ANKH: variants seen among roughly 807,000 people sequenced by gnomAD.
ANKH encodes the protein ANKH inorganic pyrophosphate transport regulator.
A neutral mutation model predicts 49.0 loss-of-function variants in ANKH; 15 were observed. The observed-to-expected ratio is 0.31, with a 90% CI of 0.20 to 0.47. The LOEUF (loss-of-function observed/expected upper bound fraction) is 0.47. ANKH is among the 20% of genes least tolerant of loss of function. ANKH has a pLI of 1.00. For missense variants in ANKH, 429 were observed against 652.0 expected (o/e 0.66, Z 3.72); for synonymous variants, 273 against 260.0 (o/e 1.05, Z -0.48).
intron 4 of ANKH, among the ~76,000 whole-genome samples, chr5:14,755,488 A>G (rs1463016740): frequency 6.6e-6 from 1 of 152,228 alleles, no homozygotes; most frequent in Non-Finnish European, 1.5e-5. Context: ...CAGACTTCAT[A>G]GTGATAGGCC....
In ANKH at chr5:14,708,559, T is replaced by C. The variant is rs1737029503; in HGVS notation, c.*2638A>G. On this transcript the variant is annotated 3_prime_UTR_variant, in exon 12 of 12. Transcript: ENST00000284268. The stretch of plus-strand genomic sequence containing the variant: ...ACCCTCCCTGGTTTGATCTCTCATG[T>C]CTAGCTGGATGATGGGACTCGATTA... 1 of 152,234 alleles carries C rather than the reference T, an allele frequency of 6.6e-6. No homozygotes were observed. The highest frequency in any genetic ancestry group is 1.5e-5 in the Non-Finnish European group (1 of 68,050). 9.4% of individuals were successfully genotyped at this position (152,234 alleles called of 1,614,324 possible).
Position 14,741,914 on chromosome 5 carries a change from G to C in ANKH, c.924C>G (p.Pro308=). The C allele has an allele frequency of 6.2e-7, 1 of 1,614,056 alleles. No homozygotes were observed. The change falls in exon 8 of 12, where the codon CCC becomes CCG. Residue 308 remains proline, a synonymous_variant. Transcript: ENST00000284268. ...TGCTCGTGCTCACCAGTTTGTTGCT[G>C]GGGTTATTCTGGGGAAAGAAAACCA... ...AVYPAFDKNN[P]SNKLVSTSNT...
chr5:14,746,710 A>G (rs954417346), intron 6 of ANKH, among the ~76,000 whole-genome samples: 4 of 152,186 alleles, frequency 2.6e-5, no homozygotes, highest in African/African-American at 9.7e-5. Flanking sequence ...ATAAACTGTA[A>G]GTTTCTCCCA....
chr5:14,840,883 G>A (rs769434518), intron 1 of ANKH, among the ~76,000 whole-genome samples: 8 of 152,150 alleles, frequency 5.3e-5, no homozygotes, highest in East Asian at 1.9e-4. Flanking sequence ...GAAAATGAAC[G>A]GGAAAACAGG....
At chr5:14,728,178 T>C (rs1456105325) in intron 8 of ANKH, among the ~76,000 whole-genome samples, 1 of 152,246 alleles carries the variant, frequency 6.6e-6, no homozygotes, top group Non-Finnish European at 1.5e-5. Context: ...CAGCGCTCCA[T>C]ATGTGATTCC....
intron 1 of ANKH, among the ~76,000 whole-genome samples, chr5:14,822,167 T>C (rs1460816208): frequency 2.0e-5 from 3 of 152,196 alleles, no homozygotes; most frequent in African/African-American, 4.8e-5. Context: ...GTCTGAACTG[T>C]GATGTGCTGT....
intron 5 of ANKH, among the ~76,000 whole-genome samples, chr5:14,750,433 G>T (rs1397652708): frequency 6.6e-6 from 1 of 152,200 alleles, no homozygotes; most frequent in African/African-American, 2.4e-5. Flanking sequence ...ACATCACTAT[G>T]TTCCTTCTCC....
intron 1 of ANKH, among the ~76,000 whole-genome samples, chr5:14,815,285 T>A (rs1740998598): frequency 6.6e-6 from 1 of 152,218 alleles, no homozygotes; most frequent in African/African-American, 2.4e-5. Context: ...TAAAAATTAA[T>A]GCCCACTGTG....
intron 1 of ANKH, among the ~76,000 whole-genome samples, chr5:14,792,514 T>G (rs1032952662): frequency 6.6e-6 from 1 of 152,076 alleles, no homozygotes; most frequent in Admixed American, 6.5e-5. Context: ...TGAATCTCCC[T>G]CACAGTGGGG....
chr5:14,711,532 G>C (rs1434440429), intron 11 of ANKH, among the ~76,000 whole-genome samples: 4 of 152,200 alleles, frequency 2.6e-5, no homozygotes, highest in Non-Finnish European at 5.9e-5. Context: ...GAGCTAGGCA[G>C]GCACTTCGGA....
In ANKH at chr5:14,707,037, T is replaced by G. The variant is rs1736967156; in HGVS notation, c.*4160A>C. 1 of 152,186 alleles carries G rather than the reference T, an allele frequency of 6.6e-6. No homozygotes were observed. The highest frequency in any genetic ancestry group is 2.4e-5 in the African/African-American group (1 of 41,430). 9.4% of individuals were successfully genotyped at this position (152,186 alleles called of 1,614,324 possible). On this transcript the variant is annotated 3_prime_UTR_variant, in exon 12 of 12. Coordinates refer to ENST00000284268, the MANE Select transcript of ANKH (RefSeq NM_054027.6). ...CCAAAGAAAGGTGAGGAGCAGAACTTAGAAGATAAAGGACCCCTTTTTCTG... is the reference window on the plus strand; with the variant it reads ...CCAAAGAAAGGTGAGGAGCAGAACTGAGAAGATAAAGGACCCCTTTTTCTG...
chr5:14,838,597 C>G (rs1005351706), intron 1 of ANKH, among the ~76,000 whole-genome samples: 4 of 152,068 alleles, frequency 2.6e-5, no homozygotes, highest in African/African-American at 9.7e-5. Context: ...CTGGGGGACC[C>G]CACGCCTGCT....
chr5:14,836,273 T>A (rs1370543874), intron 1 of ANKH, among the ~76,000 whole-genome samples: 3 of 152,108 alleles, frequency 2.0e-5, no homozygotes, highest in Non-Finnish European at 1.5e-5. Context: ...GCCAGAGCAA[T>A]CAGGCAGGAG....
chr5:14,715,969 T>G (rs959396160), intron 9 of ANKH, among the ~76,000 whole-genome samples: 2 of 152,232 alleles, frequency 1.3e-5, no homozygotes, highest in African/African-American at 4.8e-5. Flanking sequence ...TCTTTGTATA[T>G]CTCCAGGCTT....
At chr5:14,851,969 T>C (rs926386835) in intron 1 of ANKH, among the ~76,000 whole-genome samples, 3 of 152,320 alleles carry the variant, frequency 2.0e-5, no homozygotes, top group Non-Finnish European at 1.5e-5. Context: ...CTAGAAAACA[T>C]AGCTATAACA....
At chr5:14,867,743 T>C (rs1170690003) in intron 1 of ANKH, among the ~76,000 whole-genome samples, 1 of 152,164 alleles carries the variant, frequency 6.6e-6, no homozygotes, top group Non-Finnish European at 1.5e-5. Flanking sequence ...GTATTTTTAG[T>C]AGAGACGGGG....
chr5:14,741,872 G>C lies in ANKH; in HGVS notation c.966C>G (p.Ala322=). 1 of 1,614,130 alleles carries C rather than the reference G, an allele frequency of 6.2e-7. No homozygotes were observed. The highest frequency in any genetic ancestry group is 8.5e-7 in the Non-Finnish European group (1 of 1,180,016). Residue 322 remains alanine (A), a synonymous_variant, in exon 8 of 12, where the codon GCC becomes GCG. Coordinates refer to ENST00000284268, the MANE Select transcript of ANKH (RefSeq NM_054027.6). ...AGACGAAGGTGAACTTCTTGATGTG[G>C]GCTGCCGTGACTGTGTTGCTCGTGC... ...LVSTSNTVTA[A]HIKKFTFVCM...
chr5:14,755,522 A>G (rs1697125), intron 4 of ANKH, among the ~76,000 whole-genome samples: 50,844 of 151,876 alleles, frequency 0.33, 10,354 homozygotes, highest in African/African-American at 0.58. Context: ...CCAGGCAAGT[A>G]AACAGTGACC....
At chr5:14,775,015 T>C (rs528870544) in intron 1 of ANKH, among the ~76,000 whole-genome samples, 2 of 152,240 alleles carry the variant, frequency 1.3e-5, no homozygotes, top group East Asian at 1.9e-4. Flanking sequence ...CCCAACTCTA[T>C]ATATACTATG....
Sources: allele counts gnomAD v4.1 joint callset (sites outside exome capture counted in the v4.1 genomes callset), GRCh38; gene constraint gnomAD v4.1.1; transcripts MANE v1.5; gene names NCBI Gene and HGNC (gene_info 2026-07-23, HGNC 2026-07-21).